The following FBN2 variants were observed in gnomAD, a reference collection of about 807,000 sequenced individuals.
The protein encoded by FBN2 is fibrillin-2.
FBN2 carries 105 observed loss-of-function variants against 355.6 expected under a neutral mutation model. The ratio of observed to expected loss-of-function variants is 0.30; its 90% CI spans 0.25 to 0.35. FBN2 has a LOEUF of 0.35. FBN2 is among the 10% of genes least tolerant of loss of function. The probability of loss-of-function intolerance (pLI) is 1.00; values close to 1 mark genes in which losing one functional copy is unlikely to be tolerated. For missense variants in FBN2, 3,280 were observed against 3,758.7 expected, an observed-to-expected ratio of 0.87 and a Z score of 3.33; for synonymous variants, 1,350 against 1,301.2, an observed-to-expected ratio of 1.04 and a Z score of -0.81.
At chr5:128,476,251 T>C (rs773485496) in intron 5 of FBN2, among the ~76,000 whole-genome samples, 1 of 152,166 alleles carries the variant, frequency 6.6e-6, no homozygotes, top group Non-Finnish European at 1.5e-5. Context: ...CAAAATATAA[T>C]GCTTTATATA....
chr5:128,349,224 AATATCTC>A lies in FBN2; in HGVS notation c.2989+116_2989+122del. On this transcript the variant is annotated intron_variant, in intron 23 of 64. Transcript: ENST00000262464. ...AACAGCCTCTAGTGATTTCCCCCTA[AATATCTC>A]ATTTAAAGCAAGTTTTCTCAAGTAC... The A allele has an allele frequency of 4.5e-6, 5 of 1,113,812 alleles. 1 individual carries two copies. The South Asian group carries it at 6.4e-5, about 14-fold the overall frequency. 69.0% of individuals were successfully genotyped at this position (1,113,812 alleles called of 1,614,324 possible). A position where few individuals can be genotyped will look rare whatever the true frequency, so the allele number is the denominator to read the frequency against.
At chr5:128,325,896 C>T (rs1750530853) in intron 34 of FBN2, among the ~76,000 whole-genome samples, 1 of 152,082 alleles carries the variant, frequency 6.6e-6, no homozygotes, top group South Asian at 2.1e-4. Flanking sequence ...TCTTACTTCC[C>T]TTGATTCTAC....
intron 11 of FBN2, among the ~76,000 whole-genome samples, chr5:128,386,534 A>T (rs940426193): frequency 6.6e-6 from 1 of 152,038 alleles, no homozygotes; most frequent in Admixed American, 6.6e-5. Context: ...ATGAATTTTA[A>T]AATAGGTTTT....
At chr5:128,376,394 A>C (rs1752077610) in intron 14 of FBN2, among the ~76,000 whole-genome samples, 1 of 152,216 alleles carries the variant, frequency 6.6e-6, no homozygotes, top group African/African-American at 2.4e-5. Flanking sequence ...TGCATAAAAA[A>C]CAAAAACCTT....
chr5:128,372,875 A>T (rs1751978320), intron 15 of FBN2, among the ~76,000 whole-genome samples: 1 of 152,072 alleles, frequency 6.6e-6, no homozygotes, highest in Admixed American at 6.6e-5. Flanking sequence ...GATCCGCCCA[A>T]CATGGAATCC....
chr5:128,442,751 C>G (rs531276849), intron 7 of FBN2, among the ~76,000 whole-genome samples: 2 of 152,142 alleles, frequency 1.3e-5, no homozygotes, highest in South Asian at 4.2e-4. Context: ...GACACACACA[C>G]ACAAACACAC....
rs1753870717 is a variant in FBN2 at position 128,439,868 on chromosome 5, CATA to C, written c.952+6610_952+6612del. Among the ~76,000 whole-genome samples, 4 of 152,108 alleles carry C rather than the reference CATA, an allele frequency of 2.6e-5. No individual in the cohort carries two copies. The South Asian group carries it at 8.3e-4, about 32-fold the overall frequency. On this transcript the variant is annotated intron_variant, in intron 7 of 64. Transcript: ENST00000262464. ...TTTTAGTATCACTTTCTTTTGTATA[CATA>C]ATATTTTATACAAAATTGTATAGAT...
At chr5:128,434,408 A>ATATATATATATATATATATATATG (rs1561455147) in intron 7 of FBN2, among the ~76,000 whole-genome samples, 1 of 63,216 alleles carries the variant, frequency 1.6e-5, no homozygotes, top group Non-Finnish European at 3.1e-5. Context: ...ATATATATAT[A>ATATATATATATATATATATATATG]TATATATATA....
At chr5:128,456,737 A>G (rs185207996) in intron 6 of FBN2, among the ~76,000 whole-genome samples, 33 of 152,300 alleles carry the variant, frequency 2.2e-4, no homozygotes, top group African/African-American at 7.5e-4. Flanking sequence ...ACAAACAAGC[A>G]GAAAGTGACA....
At chr5:128,491,525 G>A (rs549177889) in intron 5 of FBN2, among the ~76,000 whole-genome samples, 1 of 152,296 alleles carries the variant, frequency 6.6e-6, no homozygotes, top group South Asian at 2.1e-4. Context: ...GCCAGGGCTA[G>A]CTTGTCATTC....
intron 48 of FBN2, among the ~76,000 whole-genome samples, chr5:128,293,328 C>T (rs1749385718): frequency 6.6e-6 from 1 of 152,070 alleles, no homozygotes; most frequent in Non-Finnish European, 1.5e-5. Flanking sequence ...ACCGTCTCTA[C>T]TATAAGTACA....
At chr5:128,472,575 T>C (rs943947469) in intron 5 of FBN2, among the ~76,000 whole-genome samples, 3 of 152,100 alleles carry the variant, frequency 2.0e-5, no homozygotes, top group African/African-American at 4.8e-5. Flanking sequence ...GCAGATCACC[T>C]GAGGTTGGGA....
At position 128,361,807 on chromosome 5, in the gene FBN2, C is replaced by T. The variant is rs199733916; in HGVS notation, c.2470G>A (p.Gly824Arg). The T allele has an allele frequency of 2.5e-6, 4 of 1,613,960 alleles. No individual in the cohort carries two copies. The highest frequency in any genetic ancestry group is 1.3e-5 in the African/African-American group (1 of 74,912). Residue 824 changes from glycine to arginine, a missense_variant, in exon 19 of 65, where the codon GGA becomes AGA. By Grantham distance (125) the Gly-to-Arg change is moderately radical. Coordinates refer to ENST00000262464, the MANE Select transcript of FBN2 (RefSeq NM_001999.4). ...CTTCCTGGCGTGTTTCGGCACAATC[C>T]GTTATCACAAAGCAGTCTGTTTACT... ...CLVNRLLCDN[G>R]LCRNTPGSYS...
At chr5:128,475,638 A>C (rs1053773942) in intron 5 of FBN2, among the ~76,000 whole-genome samples, 4 of 152,208 alleles carry the variant, frequency 2.6e-5, no homozygotes, top group African/African-American at 9.6e-5. Context: ...ATGGCATCCT[A>C]GACAGAAATA....
chr5:128,391,988 A>C, intron 11 of FBN2, 30 bp downstream of exon 11: 1 of 1,604,266 alleles, frequency 6.2e-7, no homozygotes, highest in Non-Finnish European at 8.5e-7. Context: ...AAAAAAACTA[A>C]GAAGGATTAT....
At chr5:128,387,580 T>C (rs562924146) in intron 11 of FBN2, among the ~76,000 whole-genome samples, 84 of 152,254 alleles carry the variant, frequency 5.5e-4, no homozygotes, top group African/African-American at 1.9e-3. Flanking sequence ...TTCTAACTTT[T>C]TGATGTGGGA....
intron 53 of FBN2, among the ~76,000 whole-genome samples, chr5:128,287,814 G>A (rs1749199312): frequency 6.6e-6 from 1 of 152,162 alleles, no homozygotes; most frequent in Admixed American, 6.5e-5. Flanking sequence ...GGAAGGAGGG[G>A]AGGGAATCTT....
At chr5:128,350,537 G>A (rs764271746) in intron 21 of FBN2, among the ~76,000 whole-genome samples, 10 of 152,156 alleles carry the variant, frequency 6.6e-5, no homozygotes, top group Non-Finnish European at 1.3e-4. Context: ...GTGACAGAGC[G>A]AGACTCCGTC....
At chr5:128,396,906 G>C (rs1318814359) in intron 8 of FBN2, among the ~76,000 whole-genome samples, 3 of 152,160 alleles carry the variant, frequency 2.0e-5, no homozygotes, top group Non-Finnish European at 4.4e-5. Context: ...TCCATTAACA[G>C]GTAAAGTTAA....
Sources: allele counts gnomAD v4.1 joint callset (sites outside exome capture counted in the v4.1 genomes callset), GRCh38; gene constraint gnomAD v4.1.1; transcripts MANE v1.5; gene names NCBI Gene and HGNC (gene_info 2026-07-23, HGNC 2026-07-21).